Variants in GOLGA4 observed in about 807,000 individuals in gnomAD.
GOLGA4 encodes the protein golgin A4.
GOLGA4 carries 169 observed loss-of-function variants against 265.9 expected under a neutral mutation model. The ratio of observed to expected loss-of-function variants is 0.64; its 90% CI spans 0.56 to 0.72. GOLGA4 has a LOEUF of 0.72. Among genes scored for constraint, GOLGA4 ranks in the 30% least tolerant of loss-of-function variants. The pLI, the probability that GOLGA4 is intolerant of heterozygous loss-of-function variation, is 0.00. For missense variants in GOLGA4, 2,482 were observed against 2,483.4 expected (o/e 1.00, Z 0.01); for synonymous variants, 923 against 855.8 (o/e 1.08, Z -1.37).
At chr3:37,255,420 C>A (rs1178395967) in intron 2 of GOLGA4, among the ~76,000 whole-genome samples, 1 of 152,186 alleles carries the variant, frequency 6.6e-6, no homozygotes, top group Non-Finnish European at 1.5e-5. Context: ...GCCTCGGCCT[C>A]CCAAAGTGCT....
intron 21 of GOLGA4, among the ~76,000 whole-genome samples, chr3:37,349,283 T>C (rs1047015133): frequency 7.2e-5 from 11 of 152,126 alleles, no homozygotes; most frequent in African/African-American, 2.7e-4. Context: ...CTGTTCTCAT[T>C]AACCATAATG....
chr3:37,304,044 T>C (rs1392071055), intron 10 of GOLGA4, among the ~76,000 whole-genome samples: 1 of 152,184 alleles, frequency 6.6e-6, no homozygotes, highest in Non-Finnish European at 1.5e-5. Flanking sequence ...TCTGTGCTCT[T>C]AACCATATAG....
chr3:37,298,831 A>G lies in GOLGA4; in HGVS notation c.815-2A>G, dbSNP rs778951770. ...GCCCTTCTTATGTTGCTTTATTGTT[A>G]GTGGAAGATGGAACTTCTGTAAAAA... On this transcript the variant is annotated splice_acceptor_variant, in intron 7 of 23. Transcript: ENST00000361924. LOFTEE classifies it high-confidence loss of function. The G allele has an allele frequency of 2.5e-6, 4 of 1,597,378 alleles. No homozygotes were observed. The African/African-American group carries it at 4.1e-5, about 16-fold the overall frequency.
chr3:37,346,797 C>G (rs1276354153), intron 20 of GOLGA4, among the ~76,000 whole-genome samples: 2 of 152,196 alleles, frequency 1.3e-5, no homozygotes, highest in Non-Finnish European at 1.5e-5. Context: ...TCCATTGTTT[C>G]ACATCCTCAC....
At chr3:37,293,368 C>A (rs2096869897) in intron 5 of GOLGA4, among the ~76,000 whole-genome samples, 3 of 152,030 alleles carry the variant, frequency 2.0e-5, no homozygotes, top group South Asian at 4.2e-4. Flanking sequence ...CAAGACAATT[C>A]TTTTTCTTCC....
chr3:37,357,467 T>C (rs1306042310), intron 22 of GOLGA4, among the ~76,000 whole-genome samples: 1 of 152,172 alleles, frequency 6.6e-6, no homozygotes, highest in Non-Finnish European at 1.5e-5. Flanking sequence ...TTAAGTAATA[T>C]GATTCAAATA....
chr3:37,366,017 A>G, intron 23 of GOLGA4, 63 bp from the exon 24 acceptor site: 1 of 1,373,014 alleles, frequency 7.3e-7, no homozygotes, highest in Non-Finnish European at 9.9e-7. Flanking sequence ...CCAAAAAGTC[A>G]ACCTAAATGT....
At chr3:37,339,046 T>A (rs2097024094) in intron 19 of GOLGA4, among the ~76,000 whole-genome samples, 1 of 151,980 alleles carries the variant, frequency 6.6e-6, no homozygotes, top group South Asian at 2.1e-4. Context: ...GTATTTTTAG[T>A]AGAGACGGGG....
chr3:37,305,523 A>G (rs1010597822), intron 10 of GOLGA4, among the ~76,000 whole-genome samples: 9 of 152,238 alleles, frequency 5.9e-5, no homozygotes, highest in Non-Finnish European at 1.2e-4. Context: ...AAAACTTCCA[A>G]TTAAGTACTA....
At chr3:37,296,440 A>T (rs920702693) in intron 7 of GOLGA4, among the ~76,000 whole-genome samples, 1 of 152,212 alleles carries the variant, frequency 6.6e-6, no homozygotes, top group Non-Finnish European at 1.5e-5. Context: ...ATTTTGAGAG[A>T]TTCCAGGATG....
chr3:37,273,638 C>T, intron 2 of GOLGA4: 1 of 1,047,816 alleles, frequency 9.5e-7, no homozygotes, highest in Non-Finnish European at 1.4e-6. Flanking sequence ...AATAACAAGT[C>T]ATTTCAGAGT....
intron 2 of GOLGA4, among the ~76,000 whole-genome samples, chr3:37,271,164 C>T (rs1180570894): frequency 6.6e-6 from 1 of 152,076 alleles, no homozygotes; most frequent in African/African-American, 2.4e-5. Flanking sequence ...GCTTGCTCAC[C>T]CACCGCTCTC....
At chr3:37,278,069 C>T (rs1339515741) in intron 2 of GOLGA4, among the ~76,000 whole-genome samples, 2 of 151,700 alleles carry the variant, frequency 1.3e-5, no homozygotes, top group African/African-American at 4.8e-5. Context: ...AATAATGTTT[C>T]AGAATAAAAT....
chr3:37,320,499 G>A (rs1299221086), intron 12 of GOLGA4: 1 of 152,004 alleles, frequency 6.6e-6, no homozygotes, highest in Non-Finnish European at 1.5e-5. Context: ...GCTCTGTGGG[G>A]GCACATGGAT....
chr3:37,289,910 C>G (rs2096860499), intron 5 of GOLGA4, among the ~76,000 whole-genome samples: 1 of 152,184 alleles, frequency 6.6e-6, no homozygotes, highest in Non-Finnish European at 1.5e-5. Context: ...GGTGTTTTCT[C>G]TCCACTCATT....
chr3:37,263,842 A>C (rs2096776745), intron 2 of GOLGA4, among the ~76,000 whole-genome samples: 1 of 152,256 alleles, frequency 6.6e-6, no homozygotes, highest in Non-Finnish European at 1.5e-5. Flanking sequence ...GGAACCACAC[A>C]GAAGAGGTGA....
chr3:37,251,597 T>G, intron 2 of GOLGA4, 113 bp downstream of exon 2: 1 of 631,552 alleles, frequency 1.6e-6, no homozygotes, highest in Non-Finnish European at 2.8e-6. Context: ...AATTCCTAGG[T>G]AGAGTTTTTA....
intron 2 of GOLGA4, among the ~76,000 whole-genome samples, chr3:37,258,042 C>CATACATATATATATGTATGT (rs2096757647): frequency 4.1e-5 from 2 of 49,122 alleles, no homozygotes; most frequent in Non-Finnish European, 8.4e-5. Context: ...TGTATATATA[C>CATACATATATATATGTATGT]ATACATATAT....
chr3:37,279,345 G>A (rs555892372), intron 2 of GOLGA4, among the ~76,000 whole-genome samples: 1 of 152,318 alleles, frequency 6.6e-6, no homozygotes, highest in South Asian at 2.1e-4. Flanking sequence ...AAACACTGGT[G>A]TACAACATAG....
Sources: allele counts gnomAD v4.1 joint callset (sites outside exome capture counted in the v4.1 genomes callset), GRCh38; gene constraint gnomAD v4.1.1; transcripts MANE v1.5; gene names NCBI Gene and HGNC (gene_info 2026-07-23, HGNC 2026-07-21).